The following TP63 variants were observed in gnomAD, a reference collection of about 807,000 sequenced individuals.
TP63 encodes the protein tumor protein 63.
TP63 carries 17 observed loss-of-function variants against 82.8 expected under a neutral mutation model. The observed-to-expected ratio is 0.21, with a 90% CI of 0.14 to 0.31. The LOEUF (loss-of-function observed/expected upper bound fraction) is 0.31. Ranked by LOEUF, TP63 falls within the 10% of genes least tolerant of loss-of-function variation. TP63 has a pLI of 1.00. For missense variants in TP63, 648 were observed against 895.3 expected (o/e 0.72, Z 3.52); for synonymous variants, 330 against 321.7 (o/e 1.03, Z -0.28).
At chr3:189,750,599 A>T (rs1036824815) in intron 3 of TP63, among the ~76,000 whole-genome samples, 1 of 152,086 alleles carries the variant, frequency 6.6e-6, no homozygotes, top group Non-Finnish European at 1.5e-5. Flanking sequence ...GAACATGTAA[A>T]ATATTATGTA....
intron 3 of TP63, among the ~76,000 whole-genome samples, chr3:189,802,917 C>A (rs1021311343): frequency 2.6e-5 from 4 of 152,072 alleles, no homozygotes; most frequent in African/African-American, 9.7e-5. Flanking sequence ...TTTTTAATAA[C>A]CTCTTACTAT....
chr3:189,742,158 G>C (rs140468705), intron 3 of TP63, among the ~76,000 whole-genome samples: 4,571 of 147,272 alleles, frequency 0.031, 180 homozygotes, highest in East Asian at 0.15. Context: ...CAGGAGAATC[G>C]CTTGAGCCTG....
chr3:189,667,006 G>A (rs1293899766), intron 1 of TP63, among the ~76,000 whole-genome samples: 1 of 142,232 alleles, frequency 7.0e-6, no homozygotes, highest in African/African-American at 2.6e-5. Context: ...ACAAAAGACA[G>A]CACAGGCTTA....
intron 3 of TP63, among the ~76,000 whole-genome samples, chr3:189,775,543 T>C (rs183333773): frequency 5.3e-5 from 8 of 152,326 alleles, no homozygotes; most frequent in Non-Finnish European, 1.0e-4. Flanking sequence ...GGGTGCTCTT[T>C]GGATCGAGTT....
intron 4 of TP63, among the ~76,000 whole-genome samples, chr3:189,834,888 C>G (rs1474989078): frequency 5.0e-5 from 7 of 138,750 alleles, no homozygotes; most frequent in Non-Finnish European, 7.7e-5. Context: ...GGTTTTTTTC[C>G]TTTTTTTTTT....
chr3:189,657,912 A>C (rs921954037), intron 1 of TP63, among the ~76,000 whole-genome samples: 4 of 152,114 alleles, frequency 2.6e-5, no homozygotes, highest in Non-Finnish European at 5.9e-5. Flanking sequence ...GTACAGAAGC[A>C]AGGACACCTA....
chr3:189,778,696 A>G (rs1724005617), intron 3 of TP63, among the ~76,000 whole-genome samples: 1 of 152,212 alleles, frequency 6.6e-6, no homozygotes, highest in African/African-American at 2.4e-5. Context: ...TCTTTTAAAG[A>G]GATGCTTAGA....
intron 1 of TP63, among the ~76,000 whole-genome samples, chr3:189,729,601 C>G (rs4591486): frequency 6.6e-6 from 1 of 151,976 alleles, no homozygotes; most frequent in Admixed American, 6.6e-5. Context: ...AAGGCATACA[C>G]AATGCTCTAA....
At chr3:189,826,784 G>GCA (rs1453120112) in intron 4 of TP63, among the ~76,000 whole-genome samples, 1 of 152,186 alleles carries the variant, frequency 6.6e-6, no homozygotes, top group Admixed American at 6.5e-5. Flanking sequence ...GTATGCATGT[G>GCA]CACACATGTC....
the TP63 span, among the ~76,000 whole-genome samples, chr3:189,602,458 GGGA>G: frequency 1.3e-5 from 2 of 152,276 alleles, no homozygotes; most frequent in African/African-American, 4.8e-5. Context: ...TAAGAAAGGA[GGGA>G]GGAGGGAGGA....
chr3:189,713,630 C>CA (rs1718755977), intron 1 of TP63, among the ~76,000 whole-genome samples: 1 of 151,810 alleles, frequency 6.6e-6, no homozygotes, highest in African/African-American at 2.4e-5. Context: ...AAAAGTAATT[C>CA]AAAAAAGTGT....
intron 4 of TP63, chr3:189,830,077 T>C (rs1480443759): frequency 9.4e-6 from 2 of 213,386 alleles, no homozygotes; most frequent in Non-Finnish European, 2.2e-5. Context: ...GGTCATTTAG[T>C]AGGGTTGGAA....
chr3:189,636,787 T>G (rs939503520), intron 1 of TP63, among the ~76,000 whole-genome samples: 1 of 152,086 alleles, frequency 6.6e-6, no homozygotes, highest in African/African-American at 2.4e-5. Context: ...GTACGTTAAA[T>G]CAAGGAATAA....
At chr3:189,734,898 C>T (rs951058403) in intron 1 of TP63, among the ~76,000 whole-genome samples, 4 of 152,184 alleles carry the variant, frequency 2.6e-5, no homozygotes, top group South Asian at 2.1e-4. Flanking sequence ...AATTTTCTCT[C>T]TCCACACTAG....
chr3:189,692,363 A>G (rs1250075116), intron 1 of TP63, among the ~76,000 whole-genome samples: 1 of 142,198 alleles, frequency 7.0e-6, no homozygotes, highest in Non-Finnish European at 1.6e-5. Flanking sequence ...TCCCTTCTTT[A>G]TTTCTTTTAC....
chr3:189,832,132 A>AT (rs1269771043), intron 4 of TP63, among the ~76,000 whole-genome samples: 2 of 152,040 alleles, frequency 1.3e-5, no homozygotes, highest in Admixed American at 1.3e-4. Flanking sequence ...GCCCAGCACT[A>AT]TAATGCTTTT....
chr3:189,842,893 CTG>C (rs1238629604), intron 4 of TP63, among the ~76,000 whole-genome samples: 2 of 152,188 alleles, frequency 1.3e-5, no homozygotes, highest in Non-Finnish European at 1.5e-5. Flanking sequence ...GTGAAGGTAA[CTG>C]TGAATGATAT....
the TP63 span, among the ~76,000 whole-genome samples, chr3:189,602,246 G>A: frequency 6.6e-6 from 1 of 152,190 alleles, no homozygotes; most frequent in Non-Finnish European, 1.5e-5. Flanking sequence ...AGGAGGGAGA[G>A]CGTGTAGAAA....
Position 189,863,728 on chromosome 3 carries a change from C to G in TP63, c.580-504C>G, listed in dbSNP as rs530399287. 1.1e-3 allele frequency among the ~76,000 whole-genome samples: 148 copies of G among 132,318 alleles called. No individual in the cohort carries two copies. The Middle Eastern group carries it at 0.019, about 17-fold the overall frequency. The allele number at this position is 132,318 out of a possible 152,430, so 86.8% of individuals were successfully genotyped here. A position where few individuals can be genotyped will look rare whatever the true frequency, so the allele number is the denominator to read the frequency against. ...ACGTCAGGCGAAATCTCTTCACTCT[C>G]TAACAGATATTCCATCTTAAAAAAA... is the stretch of plus-strand genomic sequence containing the variant. On this transcript the variant is annotated intron_variant, in intron 4 of 13. Coordinates refer to ENST00000264731, the MANE Select transcript of TP63 (RefSeq NM_003722.5).
Sources: gnomAD v4.1 joint callset for allele counts (sites outside exome capture counted in the v4.1 genomes callset) on GRCh38, gnomAD v4.1.1 for gene constraint, MANE v1.5 for transcripts, NCBI Gene and HGNC (gene_info 2026-07-23, HGNC 2026-07-21) for gene names.